Variants in NAA35 observed in about 807,000 individuals in gnomAD.
NAA35 encodes N-alpha-acetyltransferase 35, NatC auxiliary subunit.
A neutral mutation model predicts 101.7 loss-of-function variants in NAA35; 18 were observed. The observed-to-expected ratio is 0.18, with a 90% confidence interval of 0.12 to 0.26. The LOEUF is 0.26. Among genes scored for constraint, NAA35 ranks in the 10% least tolerant of loss-of-function variants. The pLI, the probability that NAA35 is intolerant of heterozygous loss-of-function variation, is 1.00. For synonymous variants in NAA35, 267 were observed against 273.1 expected (o/e 0.98, Z 0.22); for missense variants, 601 against 886.8 (o/e 0.68, Z 4.09).
At chr9:86,011,968 A>ATATAATATATAATATATATTATATAT (rs1831951249) in intron 15 of NAA35, among the ~76,000 whole-genome samples, 2 of 135,196 alleles carry the variant, frequency 1.5e-5, no homozygotes, top group South Asian at 2.3e-4. Flanking sequence ...TATATAATGT[A>ATATAATATATAATATATATTATATAT]TATAATATAT....
In NAA35 at chr9:85,956,393, T is replaced by G; in HGVS notation, c.158T>G (p.Leu53Arg). 7.1e-7 allele frequency: 1 copy of G among 1,412,212 alleles called. No individual in the cohort carries two copies. The highest frequency in any genetic ancestry group is 1.5e-5 in the African/African-American group (1 of 67,778). The allele number at this position is 1,412,212 out of a possible 1,614,324, so 87.5% of individuals were successfully genotyped here. ...TTGGGAGAACTACTTCATGATAAGC[T>G]GTAAGTATTTATCCTTTGAAAATAG... is the stretch of plus-strand genomic sequence containing the variant. ...LKLGELLHDK[L>R]FGLFEAMSAI... The change falls in exon 3 of 23, where the codon CTA (leucine) becomes CGA (arginine). Residue 53 changes from leucine to arginine, a missense_variant and splice_region_variant. Around this residue, in one of 8 missense-constraint regions of NAA35, gnomAD observed 67 missense variants for 62.4 expected, o/e 1.07. Coordinates refer to ENST00000361671, the MANE Select transcript of NAA35 (RefSeq NM_024635.4).
chr9:86,017,977 A>G (rs1832313467), intron 19 of NAA35, among the ~76,000 whole-genome samples: 1 of 152,216 alleles, frequency 6.6e-6, no homozygotes, highest in Non-Finnish European at 1.5e-5. Context: ...CTTAAGCAAA[A>G]GCAGGTCTTT....
intron 9 of NAA35, 147 bp downstream of exon 9, chr9:85,976,882 T>C: frequency 3.5e-6 from 2 of 577,780 alleles, no homozygotes; most frequent in Non-Finnish European, 6.0e-6. Context: ...ATTTCCCTTG[T>C]ATTTATTTTG....
intron 2 of NAA35, among the ~76,000 whole-genome samples, chr9:85,949,192 TATA>T (rs1484830609): frequency 6.6e-6 from 1 of 152,220 alleles, no homozygotes; most frequent in Non-Finnish European, 1.5e-5. Flanking sequence ...AACTTTTTCC[TATA>T]CTCTCCTTAT....
intron 11 of NAA35, among the ~76,000 whole-genome samples, chr9:85,980,297 C>T (rs1295449309): frequency 6.6e-6 from 1 of 152,096 alleles, no homozygotes; most frequent in East Asian, 1.9e-4. Context: ...ATTGATTAAA[C>T]CTTTGGCCAT....
At position 86,018,255 on chromosome 9, in the gene NAA35, A is replaced by G; in HGVS notation, c.1774A>G (p.Thr592Ala). Residue 592 changes from threonine to alanine, a missense_variant and splice_region_variant, in exon 20 of 23, where the codon ACC becomes GCC. Physicochemically the swap from Thr to Ala is moderately conservative, Grantham distance 58. Around this residue, in one of 8 missense-constraint regions of NAA35, gnomAD observed 99 missense variants for 206.7 expected, o/e 0.48. Coordinates refer to ENST00000361671, the MANE Select transcript of NAA35 (RefSeq NM_024635.4). ...YQNMCAGMFK[T>A]MVAFDMDGKV... ...TTTTCTTATTCCCTTTTTCATTTAG[A>G]CCATGGTAGCATTTGACATGGACGG... 1 of 1,608,794 alleles carries G rather than the reference A, an allele frequency of 6.2e-7. No individual in the cohort carries two copies. Among genetic ancestry groups the G allele is most frequent in the Non-Finnish European group, 8.5e-7 (1 of 1,177,278 alleles).
chr9:85,956,819 AT>A (rs1439032098), intron 3 of NAA35, among the ~76,000 whole-genome samples: 7 of 152,192 alleles, frequency 4.6e-5, no homozygotes, highest in African/African-American at 1.7e-4. Flanking sequence ...AAAGAGATTT[AT>A]TTGGCATACA....
chr9:85,988,287 G>A (rs1830735473), intron 11 of NAA35, among the ~76,000 whole-genome samples: 1 of 152,142 alleles, frequency 6.6e-6, no homozygotes, highest in African/African-American at 2.4e-5. Flanking sequence ...ACACTGCTCA[G>A]AAACACTTTT....
chr9:86,019,704 A>G (rs1237935431), intron 21 of NAA35, among the ~76,000 whole-genome samples: 1 of 152,228 alleles, frequency 6.6e-6, no homozygotes, highest in Non-Finnish European at 1.5e-5. Flanking sequence ...TAACGTGTAC[A>G]TACTGTTTTG....
chr9:85,970,690 T>C (rs1472734597), intron 6 of NAA35, among the ~76,000 whole-genome samples: 1 of 152,198 alleles, frequency 6.6e-6, no homozygotes, highest in Non-Finnish European at 1.5e-5. Context: ...ATTCAAAATA[T>C]ACTATTTTGA....
At chr9:86,021,065 CCACTGAA>C in intron 22 of NAA35, 96 bp downstream of exon 22, 2 of 861,034 alleles carry the variant, frequency 2.3e-6, no homozygotes, top group Non-Finnish European at 3.5e-6. Flanking sequence ...AAAAATTAAA[CCACTGAA>C]CAAAAATCAT....
At chr9:86,006,710 T>G (rs1831659699) in intron 13 of NAA35, among the ~76,000 whole-genome samples, 1 of 152,160 alleles carries the variant, frequency 6.6e-6, no homozygotes, top group South Asian at 2.1e-4. Context: ...TGATACAGTT[T>G]GTTCTGTATC....
rs915540960 is a variant in NAA35 at position 86,016,474 on chromosome 9, A to G, written c.1569-65A>G. 3.6e-6 allele frequency: 5 copies of G among 1,392,312 alleles called. No individual in the cohort carries two copies. In the African/African-American group the frequency reaches 5.7e-5, roughly 16 times the overall value. 86.2% of individuals were successfully genotyped at this position (1,392,312 alleles called of 1,614,324 possible). A position where few individuals can be genotyped will look rare whatever the true frequency, so the allele number is the denominator to read the frequency against. On this transcript the variant is annotated intron_variant, in intron 17 of 22. Coordinates refer to ENST00000361671, the MANE Select transcript of NAA35 (RefSeq NM_024635.4). The stretch of plus-strand genomic sequence containing the variant: ...ATTATTTGAAATATCTATCGTTAAT[A>G]TATGTGTTGATAAAGCTGTCTCATT...
At chr9:86,020,814 G>A in intron 21 of NAA35, 75 bp from the exon 22 acceptor site, 2 of 1,111,048 alleles carry the variant, frequency 1.8e-6, no homozygotes, top group Non-Finnish European at 2.7e-6. Context: ...TGGGTTGACA[G>A]CAGGTCTCAA....
rs746523288 is a variant in NAA35, at chr9:85,978,388, G to C, written c.877+7G>C. On this transcript the variant is annotated splice_region_variant and intron_variant, in intron 11 of 22. Transcript: ENST00000361671. ...AATGATACTACAAAAGGAGGTAATT[G>C]TTCAATTTGCTCCTACTCTTTCTTT... 3 of 1,538,484 alleles carry C rather than the reference G, an allele frequency of 1.9e-6. No homozygotes were observed. The highest frequency in any genetic ancestry group is 2.7e-6 in the Non-Finnish European group (3 of 1,111,508).
chr9:86,011,237 C>CA (rs903097972), intron 15 of NAA35, among the ~76,000 whole-genome samples: 70 of 141,394 alleles, frequency 5.0e-4, no homozygotes, highest in Admixed American at 1.9e-3. Flanking sequence ...AAAACTGTCT[C>CA]AAAAAAAAAA....
intron 13 of NAA35, among the ~76,000 whole-genome samples, chr9:86,005,421 A>G (rs752579576): frequency 1.1e-4 from 16 of 152,234 alleles, no homozygotes; most frequent in Non-Finnish European, 2.1e-4. Context: ...TCCTCCAAGA[A>G]TGGGAAGAAG....
intron 1 of NAA35, 30 bp downstream of exon 1, chr9:85,941,303 A>G (rs1379832400): frequency 1.0e-6 from 1 of 984,200 alleles, no homozygotes; most frequent in Non-Finnish European, 1.2e-6. Context: ...AGCCATTGAA[A>G]CCCTCTCGCT....
rs1386874416 is a variant in NAA35, at chr9:85,941,163, C to T, written c.-116C>T. On this transcript the variant is annotated 5_prime_UTR_variant, in exon 1 of 23. Coordinates refer to ENST00000361671, the MANE Select transcript of NAA35 (RefSeq NM_024635.4). ...TCCCGGGCATACGCATGCGTGCACG[C>T]TGCCGGTCGGGCTGGGCTGAGAGGG... 5.1e-6 allele frequency: 5 copies of T among 986,058 alleles called. No individual in the cohort carries two copies. The highest frequency in any genetic ancestry group is 2.3e-4 in the East Asian group (2 of 8,826). The allele number at this position is 986,058 out of a possible 1,614,324, so 61.1% of individuals were successfully genotyped here. A position where few individuals can be genotyped will look rare whatever the true frequency, so the allele number is the denominator to read the frequency against.
Sources: allele counts gnomAD v4.1 joint callset (sites outside exome capture counted in the v4.1 genomes callset), GRCh38; gene constraint gnomAD v4.1.1; regional missense constraint gnomAD v4.1.1; transcripts MANE v1.5; gene names NCBI Gene and HGNC (gene_info 2026-07-23, HGNC 2026-07-21).